RALYL: variants seen among roughly 807,000 people sequenced by gnomAD.
RALYL encodes RNA-binding Raly-like protein.
A neutral mutation model predicts 35.1 loss-of-function variants in RALYL; 29 were observed. The observed-to-expected ratio is 0.83, with a 90% CI of 0.61 to 1.13. The LOEUF (loss-of-function observed/expected upper bound fraction) is 1.13, where lower values mean the gene tolerates loss of function less well. Ranked by LOEUF, RALYL falls within the 50% of genes most tolerant of loss-of-function variation. The probability of loss-of-function intolerance (pLI) is 0.00; values close to 1 mark genes in which losing one functional copy is unlikely to be tolerated. For synonymous variants in RALYL, 120 were observed against 127.6 expected (o/e 0.94, Z 0.40); for missense variants, 359 against 360.4 (o/e 1.00, Z 0.03).
intron 1 of RALYL, among the ~76,000 whole-genome samples, chr8:84,212,273 T>C (rs1051109061): frequency 2.6e-5 from 4 of 152,194 alleles, no homozygotes; most frequent in Non-Finnish European, 5.9e-5. Flanking sequence ...TATTTTACAC[T>C]GTATATTTTT....
At chr8:84,468,486 G>C (rs901347100) in intron 1 of RALYL, among the ~76,000 whole-genome samples, 3 of 148,982 alleles carry the variant, frequency 2.0e-5, no homozygotes, top group Admixed American at 6.8e-5. Flanking sequence ...CTCTCTTCTG[G>C]CTTGTAGGGT....
intron 1 of RALYL, among the ~76,000 whole-genome samples, chr8:84,375,419 A>C (rs1178002146): frequency 6.6e-6 from 1 of 151,810 alleles, no homozygotes; most frequent in African/African-American, 2.4e-5. Flanking sequence ...TGCTTTTTAC[A>C]GTCTGAGAGC....
chr8:84,871,874 A>T (rs918304803), intron 6 of RALYL, among the ~76,000 whole-genome samples: 13 of 152,210 alleles, frequency 8.5e-5, no homozygotes, highest in African/African-American at 3.1e-4. Flanking sequence ...CATGTATATT[A>T]TATCATTTAT....
At chr8:84,684,035 A>G (rs1836233675) in intron 2 of RALYL, among the ~76,000 whole-genome samples, 1 of 152,112 alleles carries the variant, frequency 6.6e-6, no homozygotes, top group Admixed American at 6.6e-5. Flanking sequence ...CATGGTAAAA[A>G]AATGCTACTG....
intron 1 of RALYL, among the ~76,000 whole-genome samples, chr8:84,318,869 T>C (rs1279087097): frequency 6.6e-6 from 1 of 152,184 alleles, no homozygotes; most frequent in Non-Finnish European, 1.5e-5. Context: ...ATTAAATCAA[T>C]GAAAGATTAT....
At chr8:84,860,911 A>C (rs1271222222) in intron 5 of RALYL, among the ~76,000 whole-genome samples, 3 of 152,184 alleles carry the variant, frequency 2.0e-5, no homozygotes, top group Non-Finnish European at 4.4e-5. Context: ...CTCACAGTAT[A>C]ATAGTTTTAA....
At chr8:84,689,909 GA>G (rs923387741) in intron 2 of RALYL, among the ~76,000 whole-genome samples, 5 of 151,504 alleles carry the variant, frequency 3.3e-5, no homozygotes, top group African/African-American at 7.3e-5. Context: ...ATCAAGTGTG[GA>G]AAAAAAACAG....
intron 1 of RALYL, among the ~76,000 whole-genome samples, chr8:84,468,073 C>T (rs1264497856): frequency 6.6e-6 from 1 of 150,842 alleles, no homozygotes; most frequent in Non-Finnish European, 1.5e-5. Flanking sequence ...ATACAGCACA[C>T]TGATAGGTCT....
At chr8:84,349,125 A>T (rs1850378919) in intron 1 of RALYL, among the ~76,000 whole-genome samples, 1 of 149,868 alleles carries the variant, frequency 6.7e-6, no homozygotes, top group African/African-American at 2.5e-5. Context: ...CTTTCCCTGG[A>T]TTTACCTTCC....
intron 1 of RALYL, among the ~76,000 whole-genome samples, chr8:84,509,256 A>G (rs1478590122): frequency 2.0e-5 from 3 of 152,046 alleles, no homozygotes; most frequent in Non-Finnish European, 2.9e-5. Flanking sequence ...CTTATTTTCA[A>G]TGTGTCTTTG....
intron 2 of RALYL, among the ~76,000 whole-genome samples, chr8:84,568,811 G>A (rs1398158181): frequency 3.4e-5 from 5 of 148,162 alleles, no homozygotes; most frequent in Admixed American, 1.3e-4. Context: ...GTGATGATGA[G>A]CATTTTTTCA....
intron 1 of RALYL, among the ~76,000 whole-genome samples, chr8:84,252,741 G>GA (rs1268602580): frequency 7.9e-5 from 12 of 151,900 alleles, no homozygotes; most frequent in Non-Finnish European, 2.9e-5. Flanking sequence ...CAAAGAACTA[G>GA]AAAAAAATCC....
At chr8:84,372,628 C>T (rs1324692563) in intron 1 of RALYL, among the ~76,000 whole-genome samples, 1 of 151,864 alleles carries the variant, frequency 6.6e-6, no homozygotes, top group Admixed American at 6.6e-5. Context: ...ATTGTAGTCC[C>T]AGGAGGATGA....
At chr8:84,670,186 G>A (rs569639701) in intron 2 of RALYL, among the ~76,000 whole-genome samples, 1 of 150,718 alleles carries the variant, frequency 6.6e-6, no homozygotes, top group South Asian at 2.1e-4. Context: ...TGGGATCCTG[G>A]TCATGGACTT....
At chr8:84,368,625 A>C (rs1393233595) in intron 1 of RALYL, among the ~76,000 whole-genome samples, 2 of 152,198 alleles carry the variant, frequency 1.3e-5, no homozygotes, top group African/African-American at 4.8e-5. Flanking sequence ...GCAGCAGACA[A>C]GATAAGAGAA....
intron 2 of RALYL, among the ~76,000 whole-genome samples, chr8:84,539,868 A>ATG (rs2059894434): frequency 1.5e-4 from 1 of 6,838 alleles, no homozygotes; most frequent in African/African-American, 3.7e-4. Flanking sequence ...ATATATATAT[A>ATG]TATATATATG....
intron 1 of RALYL, among the ~76,000 whole-genome samples, chr8:84,391,907 G>C (rs750699927): frequency 1.2e-4 from 18 of 151,906 alleles, no homozygotes; most frequent in Non-Finnish European, 2.4e-4. Context: ...TCTCACTTTT[G>C]TTCATGCATC....
intron 2 of RALYL, among the ~76,000 whole-genome samples, chr8:84,572,228 TTTTTTG>T (rs963840329): frequency 4.2e-5 from 4 of 95,178 alleles, no homozygotes; most frequent in African/African-American, 1.5e-4. Context: ...TTGTTGTTTG[TTTTTTG>T]TTTTTGTTTT....
chr8:84,450,657 C>A (rs527719488), intron 1 of RALYL, among the ~76,000 whole-genome samples: 3 of 151,944 alleles, frequency 2.0e-5, no homozygotes, highest in African/African-American at 7.2e-5. Flanking sequence ...TATAAAAGAG[C>A]AAATATTCTT....
Sources: gnomAD v4.1 joint callset for allele counts (sites outside exome capture counted in the v4.1 genomes callset) on GRCh38, gnomAD v4.1.1 for gene constraint, MANE v1.5 for transcripts, NCBI Gene and HGNC (gene_info 2026-07-23, HGNC 2026-07-21) for gene names.